The following KCNK10 variants were observed in gnomAD, a reference collection of about 807,000 sequenced individuals.
The protein encoded by KCNK10 is potassium two pore domain channel subfamily K member 10.
KCNK10 carries 25 observed loss-of-function variants against 47.7 expected under a neutral mutation model. The ratio of observed to expected loss-of-function variants is 0.52; its 90% confidence interval spans 0.38 to 0.73. KCNK10 has a LOEUF of 0.73. KCNK10 is among the 30% of genes least tolerant of loss of function. The pLI is 0.00. For synonymous variants in KCNK10, 303 were observed against 285.6 expected (o/e 1.06, Z -0.61); for missense variants, 563 against 714.5 (o/e 0.79, Z 2.42).
intron 1 of KCNK10, among the ~76,000 whole-genome samples, chr14:88,305,155 C>T (rs568798553): frequency 5.9e-5 from 9 of 151,650 alleles, no homozygotes; most frequent in South Asian, 4.2e-4. Flanking sequence ...GCCAAGATCG[C>T]GCCACTGCAC....
intron 4 of KCNK10, among the ~76,000 whole-genome samples, chr14:88,212,077 C>T (rs1216688517): frequency 1.4e-5 from 2 of 141,964 alleles, no homozygotes; most frequent in Non-Finnish European, 3.1e-5. Flanking sequence ...CCCCACACAA[C>T]AATAGAACTT....
chr14:88,234,720 G>A (rs1886249594), intron 3 of KCNK10, among the ~76,000 whole-genome samples: 1 of 152,216 alleles, frequency 6.6e-6, no homozygotes, highest in African/African-American at 2.4e-5. Context: ...ACTGCTGGGT[G>A]TCTCTCCTGC....
intron 1 of KCNK10, among the ~76,000 whole-genome samples, chr14:88,297,580 T>C (rs1888011830): frequency 6.6e-6 from 1 of 152,222 alleles, no homozygotes; most frequent in African/African-American, 2.4e-5. Context: ...CTTTCATTTG[T>C]ACCCTAAATT....
chr14:88,323,032 C>G lies in KCNK10; in HGVS notation c.-234G>C. On this transcript the variant is annotated 5_prime_UTR_variant, in exon 1 of 7. Transcript: ENST00000319231. Reference sequence around the variant, plus strand: ...GCCAGGGGGTGGCCGGCCGCGGCCCCGTGGGTAAAAGAAAAAGTAAGATCG... The same window carrying G: ...GCCAGGGGGTGGCCGGCCGCGGCCCGGTGGGTAAAAGAAAAAGTAAGATCG... 7.5e-7 allele frequency: 1 copy of G among 1,324,592 alleles called. No individual in the cohort carries two copies. Among genetic ancestry groups the G allele is most frequent in the Non-Finnish European group, 9.7e-7 (1 of 1,034,640 alleles). 82.1% of individuals were successfully genotyped at this position (1,324,592 alleles called of 1,614,324 possible).
chr14:88,227,578 A>G (rs773910779), intron 3 of KCNK10, 43 bp from the exon 4 acceptor site: 1 of 1,543,052 alleles, frequency 6.5e-7, no homozygotes. Context: ...CAGAGAAATT[A>G]GCATACTGAC....
At position 88,194,237 on chromosome 14, in the gene KCNK10, G is replaced by A. The variant is rs77217073; in HGVS notation, c.682-1827C>T. On this transcript the variant is annotated intron_variant, in intron 4 of 6. Transcript: ENST00000319231. ...CAAGATAAATTACCTGAAAACTGCAGGGAAAGTTTTGTCTATTTCATAAAT... is the reference window on the plus strand; with the variant it reads ...CAAGATAAATTACCTGAAAACTGCAAGGAAAGTTTTGTCTATTTCATAAAT... Among the ~76,000 whole-genome samples the A allele has an allele frequency of 4.6e-5, 7 of 152,286 alleles. No individual in the cohort carries two copies. In the East Asian group the frequency reaches 1.2e-3, roughly 25 times the overall value.
intron 3 of KCNK10, among the ~76,000 whole-genome samples, chr14:88,229,602 G>A (rs1228116960): frequency 6.6e-6 from 1 of 152,056 alleles, no homozygotes; most frequent in Non-Finnish European, 1.5e-5. Flanking sequence ...ACTCAAACAA[G>A]CCTTTAAATA....
chr14:88,302,725 T>A (rs1048845818), intron 1 of KCNK10, among the ~76,000 whole-genome samples: 5 of 151,766 alleles, frequency 3.3e-5, no homozygotes, highest in African/African-American at 4.8e-5. Context: ...AATAAAAAAA[T>A]AAATAAATAA....
At chr14:88,313,389 G>A (rs968799069) in intron 1 of KCNK10, among the ~76,000 whole-genome samples, 75 of 152,318 alleles carry the variant, frequency 4.9e-4, no homozygotes, top group African/African-American at 1.4e-3. Flanking sequence ...AGTGACTGGC[G>A]TCTAATGAAA....
At chr14:88,311,411 TCATGCGCCATGCCACAC>T (rs1176802513) in intron 1 of KCNK10, among the ~76,000 whole-genome samples, 1 of 152,088 alleles carries the variant, frequency 6.6e-6, no homozygotes, top group Non-Finnish European at 1.5e-5. Context: ...CTCCCCACCC[TCATGCGCCATGCCACAC>T]CTCACTTTCC....
chr14:88,210,297 A>G (rs1418077390), intron 4 of KCNK10, among the ~76,000 whole-genome samples: 1 of 152,208 alleles, frequency 6.6e-6, no homozygotes, highest in African/African-American at 2.4e-5. Flanking sequence ...AATATTATGG[A>G]CACTGGTCTT....
intron 1 of KCNK10, among the ~76,000 whole-genome samples, chr14:88,266,237 T>A (rs546798377): frequency 1.1e-4 from 16 of 152,340 alleles, no homozygotes; most frequent in Admixed American, 1.0e-3. Flanking sequence ...ACAACGTGGA[T>A]GAGCAGCGTC....
chr14:88,319,806 A>T (rs1244339819), intron 1 of KCNK10, among the ~76,000 whole-genome samples: 2 of 152,216 alleles, frequency 1.3e-5, no homozygotes, highest in African/African-American at 4.8e-5. Flanking sequence ...AAGAGTGTTT[A>T]AGAGCCCAGA....
chr14:88,254,917 C>T (rs1886902360), intron 2 of KCNK10, among the ~76,000 whole-genome samples: 1 of 152,164 alleles, frequency 6.6e-6, no homozygotes, highest in Non-Finnish European at 1.5e-5. Flanking sequence ...TTTCCTGATG[C>T]CAGTGACATG....
In KCNK10 at chr14:88,322,152, T is replaced by A. The variant is rs1888559383; in HGVS notation, c.52+595A>T. 6.6e-6 allele frequency among the ~76,000 whole-genome samples: 1 copy of A among 152,070 alleles called. No homozygotes were observed. The highest frequency in any genetic ancestry group is 1.5e-5 in the Non-Finnish European group (1 of 68,016). On this transcript the variant is annotated intron_variant, in intron 1 of 6. Coordinates refer to ENST00000319231, the MANE Select transcript of KCNK10 (RefSeq NM_138317.3). The surrounding 1 kb of genome is among the most constrained non-coding windows in gnomAD (Gnocchi z 4.8). ...CACAAACCACCCCTCCTCCTGCTTC[T>A]ACTCTGACCTGAGCCTAACTAGCTG...
At position 88,185,307 on chromosome 14, in the gene KCNK10, G is replaced by A. The variant is rs1198746366; in HGVS notation, c.*228C>T. 7 of 580,746 alleles carry A rather than the reference G, an allele frequency of 1.2e-5. No individual in the cohort carries two copies. Among genetic ancestry groups the A allele is most frequent in the Admixed American group, 1.0e-4 (3 of 28,654 alleles). The allele number at this position is 580,746 out of a possible 1,614,324, so 36.0% of individuals were successfully genotyped here. On this transcript the variant is annotated 3_prime_UTR_variant, in exon 7 of 7. Coordinates refer to ENST00000319231, the MANE Select transcript of KCNK10 (RefSeq NM_138317.3). The surrounding 1 kb of genome is among the most constrained non-coding windows in gnomAD (Gnocchi z 4.3). ...TACGGCCAGAACCGGCTACGTGCAC[G>A]GACACTCTTGGTGTGTCCTGCGTTT...
intron 1 of KCNK10, 114 bp from the exon 2 acceptor site, chr14:88,263,665 A>G: frequency 1.1e-6 from 1 of 939,086 alleles, no homozygotes; most frequent in Non-Finnish European, 1.6e-6. Context: ...AAATGTGAGG[A>G]TGAAACGCTG....
At chr14:88,223,827 C>G (rs571009278) in intron 4 of KCNK10, among the ~76,000 whole-genome samples, 1 of 152,076 alleles carries the variant, frequency 6.6e-6, no homozygotes, top group Non-Finnish European at 1.5e-5. Context: ...GGTGAATTCA[C>G]TTTTGGTTCT....
chr14:88,324,332 T>TC (rs1888618621), upstream of KCNK10, among the ~76,000 whole-genome samples: 1 of 152,188 alleles, frequency 6.6e-6, no homozygotes, highest in South Asian at 2.1e-4. Context: ...AACGGGTCAC[T>TC]CCGAGTATCA....
Sources: gnomAD v4.1 joint callset for allele counts (sites outside exome capture counted in the v4.1 genomes callset) on GRCh38, gnomAD v4.1.1 for gene constraint, Gnocchi (gnomAD v3.1) non-coding constraint, MANE v1.5 for transcripts, NCBI Gene and HGNC (gene_info 2026-07-23, HGNC 2026-07-21) for gene names.